The following PPOX variants were observed in gnomAD, a reference collection of about 807,000 sequenced individuals.
PPOX encodes the protein protoporphyrinogen oxidase.
A neutral mutation model predicts 54.1 loss-of-function variants in PPOX; 23 were observed. That is an observed-to-expected ratio of 0.43 (90% CI 0.31 to 0.60). The LOEUF is 0.60. PPOX is among the 20% of genes least tolerant of loss of function. The pLI, the probability that PPOX is intolerant of heterozygous loss-of-function variation, is 0.13. For missense variants in PPOX, 512 were observed against 601.1 expected (o/e 0.85, Z 1.55); for synonymous variants, 224 against 236.1 (o/e 0.95, Z 0.47).
Position 161,167,129 on chromosome 1 carries a change from G to C in PPOX, c.117G>C (p.Leu39=). Residue 39 remains leucine, a synonymous_variant, in exon 3 of 13, where the codon CTG becomes CTC. Coordinates refer to ENST00000367999, the MANE Select transcript of PPOX (RefSeq NM_001122764.3). ...KVVLVESSER[L]GGWIRSVRGP... The stretch of plus-strand genomic sequence containing the variant: ...TCCTAGTGGAGAGCAGTGAGCGTCT[G>C]GGAGGCTGGATTCGCTCCGTTCGAG... 6.2e-7 allele frequency: 1 copy of C among 1,614,198 alleles called. No individual in the cohort carries two copies. The highest frequency in any genetic ancestry group is 8.5e-7 in the Non-Finnish European group (1 of 1,180,042).
chr1:161,176,273 G>A (rs1663480923), intron 4 of PPOX: 1 of 649,370 alleles, frequency 1.5e-6, no homozygotes, highest in African/African-American at 1.8e-5. Context: ...TGTCACTTCA[G>A]CCCAAGTTTC....
downstream of PPOX, chr1:161,173,717 G>A (rs768517638): frequency 9.9e-6 from 16 of 1,614,002 alleles, no homozygotes; most frequent in South Asian, 4.4e-5. Context: ...AAGTACTGGG[G>A]GTACGGGAGG....
chr1:161,172,212 C>A (rs1172376628), downstream of PPOX: 1 of 1,613,234 alleles, frequency 6.2e-7, no homozygotes. Context: ...CCAGGCAGTC[C>A]TTCCTTCTTC....
chr1:161,171,405 C>G (rs1396364560), downstream of PPOX: 1 of 726,796 alleles, frequency 1.4e-6, no homozygotes, highest in African/African-American at 1.8e-5. Context: ...GCAGAAAATG[C>G]CCAGGGAGGG....
At position 161,167,166 on chromosome 1, in the gene PPOX, GCTAT is replaced by G; in HGVS notation, c.157_160del (p.Ile53LeufsTer14). 1.2e-6 allele frequency: 2 copies of G among 1,614,200 alleles called. No individual in the cohort carries two copies. Among genetic ancestry groups the G allele is most frequent in the Non-Finnish European group, 1.7e-6 (2 of 1,180,048 alleles). On this transcript the variant is annotated frameshift_variant, in exon 3 of 13. Coordinates refer to ENST00000367999, the MANE Select transcript of PPOX (RefSeq NM_001122764.3). LOFTEE classifies it high-confidence loss of function. ...TCGCTCCGTTCGAGGCCCTAATGGT[GCTAT>G]CTTTGAGCTTGGACCTCGGGGAATT...
Position 161,171,070 on chromosome 1 carries a change from C to T in PPOX, c.1328C>T (p.Pro443Leu). The stretch of plus-strand genomic sequence containing the variant: ...CAATTCCTGACTGCTCACAGGTTGC[C>T]CCTGACTCTGGCTGGAGCCTCCTAT... Reference protein sequence around the residue: ...ARQFLTAHRLPLTLAGASYEG... With the variant: ...ARQFLTAHRLLLTLAGASYEG... The change falls in exon 13 of 13, where the codon CCC becomes CTC. Residue 443 changes from proline (P) to leucine (L), a missense_variant. Coordinates refer to ENST00000367999, the MANE Select transcript of PPOX (RefSeq NM_001122764.3). 2 of 1,614,150 alleles carry T rather than the reference C, an allele frequency of 1.2e-6. No individual in the cohort carries two copies. Among genetic ancestry groups the T allele is most frequent in the Non-Finnish European group, 1.7e-6 (2 of 1,180,044 alleles).
At position 161,170,774 on chromosome 1, in the gene PPOX, G is replaced by A; in HGVS notation, c.1248+5G>A. On this transcript the variant is annotated splice_donor_5th_base_variant and intron_variant, in intron 11 of 12. Transcript: ENST00000367999. Reference sequence around the variant, plus strand: ...TGCTTGGTCCATCTACACAAGGTAAGTTGGGATAAACTTCCCTCAGCTCTC... The same window carrying A: ...TGCTTGGTCCATCTACACAAGGTAAATTGGGATAAACTTCCCTCAGCTCTC... 1.2e-6 allele frequency: 2 copies of A among 1,614,146 alleles called. No individual in the cohort carries two copies. Among genetic ancestry groups the A allele is most frequent in the Middle Eastern group, 1.6e-4 (1 of 6,062 alleles).
At chr1:161,166,190 G>T, upstream of PPOX, 1 of 979,334 alleles carries the variant, frequency 1.0e-6, no homozygotes, top group Non-Finnish European at 1.2e-6. Context: ...TTGTGCTGGG[G>T]AACGCTAACT....
At position 161,170,715 on chromosome 1, in the gene PPOX, T is replaced by C; in HGVS notation, c.1194T>C (p.Ala398=). ...AACAGCGGGCCCAGGAAGCAGCTGC[T>C]ACACAATTAGGACTGAAGGAGATGC... is the stretch of plus-strand genomic sequence containing the variant. ...LFQQRAQEAA[A]TQLGLKEMPS... Residue 398 remains alanine (A), a synonymous_variant, in exon 11 of 13, where the codon GCT becomes GCC. Coordinates refer to ENST00000367999, the MANE Select transcript of PPOX (RefSeq NM_001122764.3). 1.2e-6 allele frequency: 2 copies of C among 1,614,086 alleles called. No homozygotes were observed. The highest frequency in any genetic ancestry group is 4.5e-5 in the East Asian group (2 of 44,858).
downstream of PPOX, chr1:161,171,749 G>T: frequency 6.4e-7 from 1 of 1,569,332 alleles, no homozygotes; most frequent in Non-Finnish European, 8.7e-7. Flanking sequence ...ACAGTGAGGA[G>T]CTGAGGGTGG....
chr1:161,176,750 G>A, intron 4 of PPOX: 2 of 920,908 alleles, frequency 2.2e-6, no homozygotes, highest in Non-Finnish European at 1.7e-6. Context: ...GGAATGATAA[G>A]TGTCAGGTTC....
In PPOX at chr1:161,170,769, G is replaced by A; in HGVS notation, c.1248G>A (p.Lys416=). ...MPSHCLVHLH[K]NCIPQYTLGH... Reference sequence around the variant, plus strand: ...GCCACTGCTTGGTCCATCTACACAAGGTAAGTTGGGATAAACTTCCCTCAG... The same window carrying A: ...GCCACTGCTTGGTCCATCTACACAAAGTAAGTTGGGATAAACTTCCCTCAG... Residue 416 remains lysine (K), a splice_region_variant and synonymous_variant, in exon 11 of 13, where the codon AAG becomes AAA. Coordinates refer to ENST00000367999, the MANE Select transcript of PPOX (RefSeq NM_001122764.3). The A allele has an allele frequency of 1.9e-6, 3 of 1,614,066 alleles. No homozygotes were observed. Among genetic ancestry groups the A allele is most frequent in the Non-Finnish European group, 2.5e-6 (3 of 1,180,016 alleles).
At chr1:161,167,743 T>G (rs1017858049) in intron 4 of PPOX, 2 of 695,144 alleles carry the variant, frequency 2.9e-6, no homozygotes, top group East Asian at 5.8e-5. Context: ...TTTTGTATTT[T>G]TAGTAGAGAT....
chr1:161,170,527 G>A lies in PPOX; in HGVS notation c.1098+8G>A. ...CCTGGCCTCAGAGTGACTGTGAGGAGGAGGAAACTTTGCCTAGTGGCATTT... is the reference window on the plus strand; with the variant it reads ...CCTGGCCTCAGAGTGACTGTGAGGAAGAGGAAACTTTGCCTAGTGGCATTT... On this transcript the variant is annotated splice_region_variant and intron_variant, in intron 10 of 12. Transcript: ENST00000367999. 6.2e-7 allele frequency: 1 copy of A among 1,614,154 alleles called. No individual in the cohort carries two copies. Among genetic ancestry groups the A allele is most frequent in the South Asian group, 1.1e-5 (1 of 91,090 alleles).
chr1:161,167,224 C>G lies in PPOX; in HGVS notation c.212C>G (p.Thr71Ser). 6.2e-7 allele frequency: 1 copy of G among 1,614,108 alleles called. No individual in the cohort carries two copies. The highest frequency in any genetic ancestry group is 8.5e-7 in the Non-Finnish European group (1 of 1,180,018). ...CCAGCGGGAGCCCTAGGGGCCCGGA[C>G]CTTGCTCCTGGTGAGAGGCTTGTGG... Reference protein sequence around the residue: ...IRPAGALGARTLLLVSELGLD... With the variant: ...IRPAGALGARSLLLVSELGLD... Residue 71 changes from threonine (T) to serine (S), a missense_variant, in exon 3 of 13, where the codon ACC becomes AGC. Transcript: ENST00000367999.
downstream of PPOX, chr1:161,175,370 G>T: frequency 2.7e-6 from 2 of 744,572 alleles, no homozygotes; most frequent in Non-Finnish European, 4.4e-6. Flanking sequence ...CGCATGCCTT[G>T]GATTACCTAT....
At chr1:161,166,252 G>T (rs979446247), upstream of PPOX, 1 of 963,096 alleles carries the variant, frequency 1.0e-6, no homozygotes, top group Non-Finnish European at 1.2e-6. Context: ...TGACGGGTAC[G>T]GCCGCTCACT....
At chr1:161,171,390 C>T, downstream of PPOX, 1 of 819,438 alleles carries the variant, frequency 1.2e-6, no homozygotes, top group Non-Finnish European at 1.9e-6. Context: ...GCTATTCCAG[C>T]ATAGGCAGAA....
intron 4 of PPOX, chr1:161,176,752 G>A: frequency 3.1e-6 from 3 of 952,720 alleles, no homozygotes; most frequent in East Asian, 5.3e-5. Flanking sequence ...AATGATAAGT[G>A]TCAGGTTCAT....
Sources: allele counts gnomAD v4.1 joint callset, GRCh38; gene constraint gnomAD v4.1.1; transcripts MANE v1.5; gene names NCBI Gene and HGNC (gene_info 2026-07-23, HGNC 2026-07-21).